ATM: variants seen among roughly 807,000 people sequenced by gnomAD.
ATM encodes ATM serine/threonine kinase.
In ATM, 308 loss-of-function variants were observed where a neutral mutation model predicts 387.0. That is an observed-to-expected ratio of 0.80 (90% confidence interval 0.73 to 0.87). ATM has a LOEUF of 0.87. Ranked by LOEUF, ATM falls within the 40% of genes least tolerant of loss-of-function variation. ATM has a pLI of 0.00. For synonymous variants in ATM, 1,156 were observed against 1,187.3 expected (o/e 0.97, Z 0.54); for missense variants, 3,312 against 3,560.9 (o/e 0.93, Z 1.78).
intron 39 of ATM, among the ~76,000 whole-genome samples, chr11:108,311,006 C>T (rs973934498): frequency 6.6e-6 from 1 of 152,174 alleles, no homozygotes; most frequent in African/African-American, 2.4e-5. Flanking sequence ...CTCATTATTT[C>T]GCCCAGGCTG....
intron 7 of ATM, among the ~76,000 whole-genome samples, chr11:108,246,367 G>C (rs530232184): frequency 3.3e-5 from 5 of 152,202 alleles, no homozygotes; most frequent in Non-Finnish European, 7.3e-5. Context: ...TTGGCAGGAT[G>C]ATGAGGATGC....
chr11:108,316,753 C>CAAAAAAAAA (rs58165074), intron 42 of ATM, among the ~76,000 whole-genome samples: 311 of 70,330 alleles, frequency 4.4e-3, no homozygotes, highest in East Asian at 5.5e-3. Flanking sequence ...ACTAAAAATA[C>CAAAAAAAAA]AAAAAAAAAA....
intron 5 of ATM, chr11:108,236,534 TA>T (rs11418587): frequency 1.2e-3 from 167 of 141,702 alleles, no homozygotes; most frequent in Non-Finnish European, 1.3e-3. Flanking sequence ...TGTTTCCATT[TA>T]AAAAAAAAAA....
intron 40 of ATM, among the ~76,000 whole-genome samples, chr11:108,313,180 GTGCTT>G (rs1294931420): frequency 2.0e-5 from 3 of 152,108 alleles, no homozygotes. Flanking sequence ...AATTCTTCCT[GTGCTT>G]TGTTTTTTTA....
intron 5 of ATM, among the ~76,000 whole-genome samples, chr11:108,239,200 T>G (rs2079440554): frequency 1.3e-5 from 2 of 152,180 alleles, no homozygotes; most frequent in African/African-American, 4.8e-5. Context: ...TAACTTGCTG[T>G]CTTTCTGCCA....
At chr11:108,313,183 C>T (rs1463329460) in intron 40 of ATM, among the ~76,000 whole-genome samples, 1 of 152,184 alleles carries the variant, frequency 6.6e-6, no homozygotes, top group East Asian at 1.9e-4. Context: ...TCTTCCTGTG[C>T]TTTGTTTTTT....
chr11:108,354,681 A>G lies in ATM; in HGVS notation c.8787-130A>G, dbSNP rs2089664816. 3.5e-6 allele frequency: 3 copies of G among 846,970 alleles called. No homozygotes were observed. In the Admixed American group the frequency reaches 5.3e-5, roughly 15 times the overall value. 52.5% of individuals were successfully genotyped at this position (846,970 alleles called of 1,614,324 possible). On this transcript the variant is annotated intron_variant, in intron 60 of 62. Transcript: ENST00000675843. ...AGCCCACTCTGCCAAGTATTATGCTATTTTGAGATACAGATATGTAGATTA... is the reference window on the plus strand; with the variant it reads ...AGCCCACTCTGCCAAGTATTATGCTGTTTTGAGATACAGATATGTAGATTA...
At chr11:108,244,609 T>C (rs897900993) in intron 6 of ATM, among the ~76,000 whole-genome samples, 179 bp from the exon 7 acceptor site, 4 of 146,564 alleles carry the variant, frequency 2.7e-5, no homozygotes, top group African/African-American at 1.0e-4. Flanking sequence ...AACTAATTTT[T>C]TGTCAGTGTG....
At chr11:108,263,120 C>A (rs1458646060) in intron 16 of ATM, among the ~76,000 whole-genome samples, 1 of 150,642 alleles carries the variant, frequency 6.6e-6, no homozygotes, top group African/African-American at 2.4e-5. Flanking sequence ...GAACTCAGCT[C>A]TGCACCAAGC....
Position 108,325,363 on chromosome 11 carries a change from C to G in ATM, c.6626C>G (p.Ser2209Cys), listed in dbSNP as rs2136309262. The change falls in exon 46 of 63, where the codon TCC becomes TGC. Residue 2209 changes from serine (S) to cysteine (C), a missense_variant. Physicochemically the swap from Ser to Cys is moderately radical, Grantham distance 112. Transcript: ENST00000675843. ...GTATATATTAAGTGGCAGAAACACTCCCAGCTTCTCAAGGACAGTGATTTT... is the reference window on the plus strand; with the variant it reads ...GTATATATTAAGTGGCAGAAACACTGCCAGCTTCTCAAGGACAGTGATTTT... ...SEVYIKWQKH[S>C]QLLKDSDFSF... 6.2e-7 allele frequency: 1 copy of G among 1,613,244 alleles called. No individual in the cohort carries two copies. Among genetic ancestry groups the G allele is most frequent in the Non-Finnish European group, 8.5e-7 (1 of 1,179,794 alleles).
rs1555093241 is a variant in ATM at position 108,284,211 on chromosome 11, A to G, written c.3747-16A>G. 2.5e-6 allele frequency: 4 copies of G among 1,573,928 alleles called. No homozygotes were observed. Among genetic ancestry groups the G allele is most frequent in the Non-Finnish European group, 3.5e-6 (4 of 1,152,760 alleles). On this transcript the variant is annotated splice_polypyrimidine_tract_variant and intron_variant, in intron 25 of 62. Coordinates refer to ENST00000675843, the MANE Select transcript of ATM (RefSeq NM_000051.4). ...AAGTTATATATAACCTGTATTTTAA[A>G]TTTTTCTATTTTTAGATCTTGTTAT...
intron 9 of ATM, among the ~76,000 whole-genome samples, chr11:108,249,932 C>T (rs1392864326): frequency 6.6e-6 from 1 of 151,912 alleles, no homozygotes; most frequent in Non-Finnish European, 1.5e-5. Flanking sequence ...ATGGGCTAAG[C>T]GTTAGATATA....
chr11:108,250,833 A>G lies in ATM; in HGVS notation c.1368A>G (p.Leu456=), dbSNP rs750579940. ...ATGGGGAACGTACACCATATGTGTT[A>G]CGATGCCTTACGGAAGTTGCATTGT... ...QRHGERTPYV[L]RCLTEVALCQ... The change falls in exon 10 of 63, where the codon TTA becomes TTG. Residue 456 remains leucine (L), a synonymous_variant. Transcript: ENST00000675843. The G allele has an allele frequency of 8.1e-6, 13 of 1,614,192 alleles. No individual in the cohort carries two copies. In the East Asian group the frequency reaches 2.9e-4, roughly 36 times the overall value.
chr11:108,327,744 A>T lies in ATM; in HGVS notation c.7075A>T (p.Thr2359Ser), dbSNP rs2136378938. Reference sequence around the variant, plus strand: ...AGAAAATCCTGCGGTCATCATGCAGACCTATCTAGAAAAGGTAAGATTTTT... The same window carrying T: ...AGAAAATCCTGCGGTCATCATGCAGTCCTATCTAGAAAAGGTAAGATTTTT... ...CLENPAVIMQ[T>S]YLEKAVEVAG... The change falls in exon 48 of 63, where the codon ACC (threonine) becomes TCC (serine). Residue 2359 changes from threonine to serine, a missense_variant. This residue lies in a region of ATM where 1,405 missense variants were observed against 1,604.4 expected (regional missense o/e 0.88). Coordinates refer to ENST00000675843, the MANE Select transcript of ATM (RefSeq NM_000051.4). 6.2e-7 allele frequency: 1 copy of T among 1,613,756 alleles called. No individual in the cohort carries two copies. Among genetic ancestry groups the T allele is most frequent in the Non-Finnish European group, 8.5e-7 (1 of 1,179,688 alleles).
intron 38 of ATM, among the ~76,000 whole-genome samples, chr11:108,309,783 T>G (rs1044149919): frequency 6.6e-6 from 1 of 152,172 alleles, no homozygotes; most frequent in African/African-American, 2.4e-5. Flanking sequence ...TTGACTGTTT[T>G]AAAGTGTGTG....
chr11:108,349,453 A>T (rs554414867), intron 59 of ATM, among the ~76,000 whole-genome samples: 1 of 152,330 alleles, frequency 6.6e-6, no homozygotes, highest in South Asian at 2.1e-4. Flanking sequence ...TCACGAGGTC[A>T]GGAGATTGAG....
chr11:108,307,191 C>T (rs916918378), intron 37 of ATM, among the ~76,000 whole-genome samples: 2 of 151,218 alleles, frequency 1.3e-5, no homozygotes, highest in African/African-American at 4.9e-5. Context: ...GCTGTGTCAC[C>T]CAGGCTGGAG....
chr11:108,239,418 T>C (rs1438669872), intron 5 of ATM, among the ~76,000 whole-genome samples: 1 of 152,248 alleles, frequency 6.6e-6, no homozygotes, highest in Admixed American at 6.5e-5. Context: ...TGCAACCTGC[T>C]TATTACACTT....
intron 34 of ATM, among the ~76,000 whole-genome samples, 194 bp from the exon 35 acceptor site, chr11:108,301,454 A>G (rs1164772967): frequency 6.6e-6 from 1 of 152,234 alleles, no homozygotes; most frequent in African/African-American, 2.4e-5. Flanking sequence ...AGTTGCAGTG[A>G]TTAGTAATTC....
Sources: allele counts gnomAD v4.1 joint callset (sites outside exome capture counted in the v4.1 genomes callset), GRCh38; gene constraint gnomAD v4.1.1; regional missense constraint gnomAD v4.1.1; transcripts MANE v1.5; gene names NCBI Gene and HGNC (gene_info 2026-07-23, HGNC 2026-07-21).